SEPTIN10: variants seen among roughly 807,000 people sequenced by gnomAD.
SEPTIN10 encodes septin-10.
SEPTIN10 carries 66 observed loss-of-function variants against 54.8 expected under a neutral mutation model. That is an observed-to-expected ratio of 1.21 (90% CI 0.99 to 1.48). The LOEUF is 1.48. Among genes scored for constraint, SEPTIN10 ranks in the 40% most tolerant of loss-of-function variants. SEPTIN10 has a pLI of 0.00. For synonymous variants in SEPTIN10, 161 were observed against 181.0 expected (o/e 0.89, Z 0.89); for missense variants, 620 against 545.6 (o/e 1.14, Z -1.36).
chr2:109,606,204 CAA>C (rs1697902311), intron 1 of SEPTIN10, among the ~76,000 whole-genome samples: 1 of 152,104 alleles, frequency 6.6e-6, no homozygotes, highest in African/African-American at 2.4e-5. Context: ...ATTACAAAGT[CAA>C]GAGATTGAGA....
intron 8 of SEPTIN10, among the ~76,000 whole-genome samples, chr2:109,556,598 T>G (rs180849773): frequency 1.3e-5 from 2 of 152,278 alleles, no homozygotes; most frequent in East Asian, 3.9e-4. Context: ...AGACATCACA[T>G]GTCTCACACC....
intron 10 of SEPTIN10, chr2:109,544,702 G>T: frequency 1.2e-6 from 1 of 855,070 alleles, no homozygotes. Flanking sequence ...TCCAAAGCAT[G>T]TTGAAAAGCA....
chr2:109,606,978 G>A (rs141504707), intron 1 of SEPTIN10, among the ~76,000 whole-genome samples: 1 of 152,152 alleles, frequency 6.6e-6, no homozygotes, highest in Non-Finnish European at 1.5e-5. Context: ...GAATAGTGAA[G>A]AATTGAAAGG....
At chr2:109,569,112 C>T (rs1480658744) in intron 5 of SEPTIN10, among the ~76,000 whole-genome samples, 1 of 151,988 alleles carries the variant, frequency 6.6e-6, no homozygotes, top group Non-Finnish European at 1.5e-5. Flanking sequence ...GACAGTAAAA[C>T]CTCAATGTAA....
intron 1 of SEPTIN10, among the ~76,000 whole-genome samples, chr2:109,608,068 A>G (rs1698412627): frequency 6.6e-6 from 1 of 151,158 alleles, no homozygotes; most frequent in African/African-American, 2.4e-5. Flanking sequence ...ATCTATACAC[A>G]TAGAATTAAA....
At chr2:109,547,375 T>TG (rs1474076402) in intron 9 of SEPTIN10, among the ~76,000 whole-genome samples, 1 of 151,644 alleles carries the variant, frequency 6.6e-6, no homozygotes, top group Non-Finnish European at 1.5e-5. Context: ...ACTTGTTTTT[T>TG]TTTTTTTTTT....
At chr2:109,582,599 G>T (rs568028336) in intron 4 of SEPTIN10, among the ~76,000 whole-genome samples, 46 of 152,200 alleles carry the variant, frequency 3.0e-4, no homozygotes, top group African/African-American at 1.1e-3. Context: ...AGGATTACAG[G>T]CGTAAGGCAC....
intron 1 of SEPTIN10, among the ~76,000 whole-genome samples, chr2:109,612,778 T>G (rs1027853773): frequency 1.3e-5 from 2 of 152,138 alleles, no homozygotes; most frequent in Admixed American, 6.5e-5. Flanking sequence ...ATTTGAGATT[T>G]TTAAAAAATA....
intron 10 of SEPTIN10, chr2:109,544,965 T>G: frequency 1.0e-6 from 1 of 985,280 alleles, no homozygotes; most frequent in Non-Finnish European, 1.2e-6. Flanking sequence ...CTGTAAAATA[T>G]ATAAGCCAAT....
At chr2:109,571,114 GGTCATATAAGACAT>G (rs1688273300) in intron 5 of SEPTIN10, among the ~76,000 whole-genome samples, 1 of 152,062 alleles carries the variant, frequency 6.6e-6, no homozygotes, top group Non-Finnish European at 1.5e-5. Flanking sequence ...CTCCTTCTCA[GGTCATATAAGACAT>G]GCCTGCTTCC....
At chr2:109,589,340 CT>C (rs990241969) in intron 2 of SEPTIN10, among the ~76,000 whole-genome samples, 2 of 151,958 alleles carry the variant, frequency 1.3e-5, no homozygotes, top group African/African-American at 2.4e-5. Flanking sequence ...TGAAACCAAC[CT>C]GGCCAGCATG....
At chr2:109,581,322 A>C (rs1204361455) in intron 4 of SEPTIN10, among the ~76,000 whole-genome samples, 2 of 151,994 alleles carry the variant, frequency 1.3e-5, no homozygotes, top group Non-Finnish European at 2.9e-5. Flanking sequence ...CTGTAATCCC[A>C]GCTGTTTGGG....
chr2:109,611,195 G>T (rs1699181936), intron 1 of SEPTIN10, among the ~76,000 whole-genome samples: 1 of 151,978 alleles, frequency 6.6e-6, no homozygotes, highest in Admixed American at 6.6e-5. Context: ...CTCAAAATGG[G>T]TCATAACATA....
intron 4 of SEPTIN10, among the ~76,000 whole-genome samples, chr2:109,580,505 A>C (rs918562282): frequency 1.3e-5 from 2 of 152,188 alleles, no homozygotes; most frequent in African/African-American, 4.8e-5. Context: ...AGCATGGTAC[A>C]TGGTAAAAAA....
At chr2:109,545,232 C>T (rs1302645142) in intron 10 of SEPTIN10, 2 of 985,232 alleles carry the variant, frequency 2.0e-6, no homozygotes, top group Non-Finnish European at 2.4e-6. Context: ...TAGAACAAGG[C>T]ATGATGAATT....
Position 109,552,838 on chromosome 2 carries a change from T to C in SEPTIN10, c.1161+249A>G, listed in dbSNP as rs1683323536. On this transcript the variant is annotated intron_variant, in intron 9 of 10. Transcript: ENST00000397712. ...GAGGGTAGCTGCTGCAGCTTCCAGT[T>C]CATTGTAAGAATTTCAACGATTAGT... is the stretch of plus-strand genomic sequence containing the variant. 9 of 407,764 alleles carry C rather than the reference T, an allele frequency of 2.2e-5. No homozygotes were observed. The South Asian group carries it at 3.7e-4, about 17-fold the overall frequency. The allele number at this position is 407,764 out of a possible 1,614,324, so 25.3% of individuals were successfully genotyped here.
intron 1 of SEPTIN10, among the ~76,000 whole-genome samples, chr2:109,598,636 A>T (rs1333752008): frequency 5.3e-5 from 8 of 152,000 alleles, no homozygotes; most frequent in African/African-American, 1.4e-4. Flanking sequence ...TGAGGTCAGG[A>T]GGTCAACACC....
chr2:109,545,192 A>C, intron 10 of SEPTIN10: 5 of 985,410 alleles, frequency 5.1e-6, no homozygotes, highest in Non-Finnish European at 6.0e-6. Context: ...GAGTAAACTG[A>C]GGCAGAGTCC....
intron 8 of SEPTIN10, among the ~76,000 whole-genome samples, chr2:109,560,273 A>C (rs1380816515): frequency 6.6e-6 from 1 of 152,088 alleles, no homozygotes; most frequent in African/African-American, 2.4e-5. Context: ...ATTCTCCAAG[A>C]ATTGTCAAGG....
Sources: gnomAD v4.1 joint callset for allele counts (sites outside exome capture counted in the v4.1 genomes callset) on GRCh38, gnomAD v4.1.1 for gene constraint, MANE v1.5 for transcripts, NCBI Gene and HGNC (gene_info 2026-07-23, HGNC 2026-07-21) for gene names.